SORCS3: variants seen among roughly 807,000 people sequenced by gnomAD.
The protein encoded by SORCS3 is sortilin related VPS10 domain containing receptor 3.
SORCS3 carries 57 observed loss-of-function variants against 146.3 expected under a neutral mutation model. The observed-to-expected ratio is 0.39, with a 90% CI of 0.31 to 0.49. The LOEUF is 0.49. SORCS3 is among the 20% of genes least tolerant of loss of function. The pLI, the probability that SORCS3 is intolerant of heterozygous loss-of-function variation, is 0.92. For synonymous variants in SORCS3, 653 were observed against 618.5 expected (o/e 1.06, Z -0.83); for missense variants, 1,341 against 1,575.5 (o/e 0.85, Z 2.52).
chr10:105,047,069 A>G (rs571166460), intron 5 of SORCS3, among the ~76,000 whole-genome samples: 115 of 152,208 alleles, frequency 7.6e-4, no homozygotes, highest in Middle Eastern at 6.8e-3. Flanking sequence ...CTACTGAGCT[A>G]CAAATGAATA....
chr10:104,702,845 A>G (rs1172136037), intron 1 of SORCS3, among the ~76,000 whole-genome samples: 1 of 152,184 alleles, frequency 6.6e-6, no homozygotes, highest in Non-Finnish European at 1.5e-5. Context: ...GGTTTCAACT[A>G]TACGAATATC....
Position 105,247,298 on chromosome 10 carries a change from T to C in SORCS3, c.3072T>C (p.Asp1024=). 1.2e-6 allele frequency: 2 copies of C among 1,611,986 alleles called. No homozygotes were observed. The highest frequency in any genetic ancestry group is 1.7e-6 in the Non-Finnish European group (2 of 1,178,230). The part of the protein sequence containing the change: ...HNPDIPEWRK[D]IGNVIKRALV... Reference sequence around the variant, plus strand: ...CTGACATTCCTGAGTGGAGAAAAGATATTGGCAATGTCATCAAGCGAGCTC... The same window carrying C: ...CTGACATTCCTGAGTGGAGAAAAGACATTGGCAATGTCATCAAGCGAGCTC... The change falls in exon 22 of 27, where the codon GAT becomes GAC. Residue 1024 remains aspartate, a synonymous_variant. Coordinates refer to ENST00000369701, the MANE Select transcript of SORCS3 (RefSeq NM_014978.3).
intron 20 of SORCS3, among the ~76,000 whole-genome samples, chr10:105,239,500 G>A (rs2056811000): frequency 1.3e-5 from 2 of 152,204 alleles, no homozygotes; most frequent in African/African-American, 4.8e-5. Flanking sequence ...TAACTAAATA[G>A]TCACACAGAG....
intron 23 of SORCS3, 77 bp downstream of exon 23, chr10:105,252,983 G>A: frequency 6.5e-7 from 1 of 1,532,192 alleles, no homozygotes; most frequent in Non-Finnish European, 8.8e-7. Context: ...TTTTCAGCCA[G>A]AAAGGGAGAC....
intron 7 of SORCS3, among the ~76,000 whole-genome samples, chr10:105,106,684 TA>T (rs1272995741): frequency 6.6e-6 from 1 of 152,128 alleles, no homozygotes; most frequent in African/African-American, 2.4e-5. Flanking sequence ...TGAGGTCTAG[TA>T]AAATACAGGA....
At chr10:104,759,761 T>A (rs1756133887) in intron 1 of SORCS3, among the ~76,000 whole-genome samples, 1 of 152,152 alleles carries the variant, frequency 6.6e-6, no homozygotes, top group South Asian at 2.1e-4. Flanking sequence ...TTATGCTGAT[T>A]TGCTGATTCA....
chr10:104,825,872 C>T (rs1005789889), intron 1 of SORCS3, among the ~76,000 whole-genome samples: 7 of 152,132 alleles, frequency 4.6e-5, no homozygotes, highest in Non-Finnish European at 8.8e-5. Context: ...AACAACCCCC[C>T]ACTATTCAAC....
intron 1 of SORCS3, among the ~76,000 whole-genome samples, chr10:104,684,743 A>AACATAATG (rs2087936586): frequency 6.8e-6 from 1 of 147,764 alleles, no homozygotes; most frequent in African/African-American, 2.5e-5. Context: ...AAATATAAAG[A>AACATAATG]ACATAATGTC....
chr10:104,904,036 T>C (rs765845811), intron 2 of SORCS3, among the ~76,000 whole-genome samples: 1 of 152,260 alleles, frequency 6.6e-6, no homozygotes, highest in Non-Finnish European at 1.5e-5. Flanking sequence ...TTTTCTCAGA[T>C]GTAATTTCTG....
At chr10:104,978,409 A>G (rs2054913935) in intron 4 of SORCS3, among the ~76,000 whole-genome samples, 1 of 152,216 alleles carries the variant, frequency 6.6e-6, no homozygotes, top group Non-Finnish European at 1.5e-5. Context: ...ATTCAGCTGC[A>G]TACATAGCAT....
rs1409646067 is a variant in SORCS3, at chr10:104,686,835, A to G, written c.627+44881A>G. ...TCCTCATACATCTGTTTGTCCATGTATCCATTCATTCATCCACCTACCCAT... is the reference window on the plus strand; with the variant it reads ...TCCTCATACATCTGTTTGTCCATGTGTCCATTCATTCATCCACCTACCCAT... On this transcript the variant is annotated intron_variant, in intron 1 of 26. Transcript: ENST00000369701. 2.6e-5 allele frequency among the ~76,000 whole-genome samples: 4 copies of G among 152,166 alleles called. No homozygotes were observed. In the South Asian group the frequency reaches 6.2e-4, roughly 24 times the overall value.
intron 16 of SORCS3, among the ~76,000 whole-genome samples, chr10:105,208,169 C>T (rs569948046): frequency 2.7e-4 from 41 of 151,994 alleles, no homozygotes; most frequent in Non-Finnish European, 4.7e-4. Flanking sequence ...GGCAAAACCC[C>T]GTCTCTACTA....
intron 4 of SORCS3, among the ~76,000 whole-genome samples, chr10:105,027,265 T>C (rs1224645736): frequency 1.3e-5 from 2 of 152,198 alleles, no homozygotes; most frequent in Non-Finnish European, 2.9e-5. Flanking sequence ...TCCTCTGGCT[T>C]GTTTAAAAAC....
At chr10:104,935,882 A>G (rs981353651) in intron 3 of SORCS3, among the ~76,000 whole-genome samples, 1 of 152,110 alleles carries the variant, frequency 6.6e-6, no homozygotes, top group African/African-American at 2.4e-5. Flanking sequence ...GTGGTGGCAG[A>G]GGAGGAGGGA....
intron 5 of SORCS3, among the ~76,000 whole-genome samples, chr10:105,050,282 T>C (rs2055401867): frequency 6.6e-6 from 1 of 152,108 alleles, no homozygotes; most frequent in Non-Finnish European, 1.5e-5. Context: ...AGTGGCTTGC[T>C]TCTAGTGAAT....
chr10:104,647,837 A>G (rs1335807444), intron 1 of SORCS3, among the ~76,000 whole-genome samples: 6 of 152,248 alleles, frequency 3.9e-5, no homozygotes. Flanking sequence ...GTAAGAGGAT[A>G]GAAATAAGGA....
At position 104,730,155 on chromosome 10, in the gene SORCS3, G is replaced by T. The variant is rs919144330; in HGVS notation, c.627+88201G>T. 6.6e-5 allele frequency among the ~76,000 whole-genome samples: 10 copies of T among 152,312 alleles called. No homozygotes were observed. The East Asian group carries it at 7.7e-4, about 12-fold the overall frequency. ...AGTCTGGAGAAGAGTGGACGTCAGA[G>T]CATGTGAGATGTATGCATATACTCT... On this transcript the variant is annotated intron_variant, in intron 1 of 26. Coordinates refer to ENST00000369701, the MANE Select transcript of SORCS3 (RefSeq NM_014978.3).
chr10:104,925,709 A>T (rs1255714270), intron 3 of SORCS3, among the ~76,000 whole-genome samples: 1 of 152,214 alleles, frequency 6.6e-6, no homozygotes, highest in African/African-American at 2.4e-5. Flanking sequence ...AACCAATGGT[A>T]AAGTGTCCCA....
At chr10:104,823,183 C>G (rs1467872142) in intron 1 of SORCS3, among the ~76,000 whole-genome samples, 1 of 152,034 alleles carries the variant, frequency 6.6e-6, no homozygotes, top group Non-Finnish European at 1.5e-5. Flanking sequence ...ACAGGGAGAA[C>G]CTAGGCCATG....
Sources: gnomAD v4.1 joint callset for allele counts (sites outside exome capture counted in the v4.1 genomes callset) on GRCh38, gnomAD v4.1.1 for gene constraint, MANE v1.5 for transcripts, NCBI Gene and HGNC (gene_info 2026-07-23, HGNC 2026-07-21) for gene names.